ADCYAP1R1: variants seen among roughly 807,000 people sequenced by gnomAD.
ADCYAP1R1 encodes pituitary adenylate cyclase-activating polypeptide type I receptor.
A neutral mutation model predicts 67.6 loss-of-function variants in ADCYAP1R1; 44 were observed. The ratio of observed to expected loss-of-function variants is 0.65; its 90% CI spans 0.51 to 0.84. The LOEUF is 0.84. Ranked by LOEUF, ADCYAP1R1 falls within the 40% of genes least tolerant of loss-of-function variation. ADCYAP1R1 has a pLI of 0.00. For synonymous variants in ADCYAP1R1, 222 were observed against 219.6 expected (o/e 1.01, Z -0.10); for missense variants, 477 against 587.9 (o/e 0.81, Z 1.95).
At chr7:31,085,993 G>A (rs1046060736) in intron 9 of ADCYAP1R1, among the ~76,000 whole-genome samples, 3 of 152,172 alleles carry the variant, frequency 2.0e-5, no homozygotes, top group African/African-American at 7.2e-5. Flanking sequence ...CTGGAAGCTA[G>A]GAATATGTAT....
chr7:31,081,965 C>T (rs939488703), intron 6 of ADCYAP1R1, among the ~76,000 whole-genome samples: 16 of 152,276 alleles, frequency 1.1e-4, no homozygotes, highest in African/African-American at 3.6e-4. Context: ...TCAGGGGGGC[C>T]ACAGATGTCT....
chr7:31,103,288 C>G lies in ADCYAP1R1; in HGVS notation c.1098C>G (p.Tyr366Ter). ...LLLIPLFGIH[Y>*]TVFAFSPENV... ...TCATCCCACTATTCGGAATCCACTA[C>G]ACAGTATTTGCCTTCTCCCCAGAGA... Residue 366 changes from tyrosine to a stop codon, truncating the protein, a stop_gained, in exon 14 of 16, where the codon TAC becomes TAG. Coordinates refer to ENST00000304166, the MANE Select transcript of ADCYAP1R1 (RefSeq NM_001118.5). LOFTEE classifies it high-confidence loss of function. 6.2e-7 allele frequency: 1 copy of G among 1,614,194 alleles called. No homozygotes were observed. The highest frequency in any genetic ancestry group is 8.5e-7 in the Non-Finnish European group (1 of 1,180,028).
rs1795355085 is a variant in ADCYAP1R1 at position 31,078,118 on chromosome 7, T to C, written c.265+20T>C. The C allele has an allele frequency of 6.3e-7, 1 of 1,589,370 alleles. No homozygotes were observed. ...ACCAAGGTGGGTTTAGCCCAGTCTC[T>C]TTAGGCCACGCTGGCCTAGCCTGCT... On this transcript the variant is annotated intron_variant, in intron 4 of 15. Coordinates refer to ENST00000304166, the MANE Select transcript of ADCYAP1R1 (RefSeq NM_001118.5).
chr7:31,084,083 G>C, intron 6 of ADCYAP1R1, 58 bp from the exon 7 acceptor site: 1 of 1,480,218 alleles, frequency 6.8e-7, no homozygotes, highest in South Asian at 1.2e-5. Context: ...TTTTGCATAA[G>C]AATTTCAGGG....
intron 1 of ADCYAP1R1, among the ~76,000 whole-genome samples, 198 bp downstream of exon 1, chr7:31,052,876 G>T (rs1443085273): frequency 5.9e-5 from 9 of 152,118 alleles, no homozygotes; most frequent in Admixed American, 3.9e-4. Flanking sequence ...CCCTCCCGCC[G>T]CTGCGCCCTT....
At chr7:31,053,024 G>A (rs997293181) in intron 1 of ADCYAP1R1, among the ~76,000 whole-genome samples, 1 of 152,180 alleles carries the variant, frequency 6.6e-6, no homozygotes, top group African/African-American at 2.4e-5. Context: ...AGACCAGGGG[G>A]GCAGGCAAGC....
rs1584519982 is a variant in ADCYAP1R1, at chr7:31,087,148, C to A, written c.884+145C>A. The A allele has an allele frequency of 1.0e-5, 10 of 954,506 alleles. No individual in the cohort carries two copies. The East Asian group carries it at 2.6e-4, about 25-fold the overall frequency. The allele number at this position is 954,506 out of a possible 1,614,324, so 59.1% of individuals were successfully genotyped here. On this transcript the variant is annotated intron_variant, in intron 11 of 15. Coordinates refer to ENST00000304166, the MANE Select transcript of ADCYAP1R1 (RefSeq NM_001118.5). ...GACTAAAGCCCAGCACTGGGCACCA[C>A]CTGAGCCATGGCCCCATGCAGGTGA...
Position 31,106,918 on chromosome 7 carries a change from C to T in ADCYAP1R1, c.*234C>T, listed in dbSNP as rs1796673653. 1 of 507,480 alleles carries T rather than the reference C, an allele frequency of 2.0e-6. No individual in the cohort carries two copies. Among genetic ancestry groups the T allele is most frequent in the Non-Finnish European group, 3.4e-6 (1 of 296,732 alleles). The allele number at this position is 507,480 out of a possible 1,614,324, so 31.4% of individuals were successfully genotyped here. A position where few individuals can be genotyped will look rare whatever the true frequency, so the allele number is the denominator to read the frequency against. ...CCCTGACCCCAGACATGTAAATACT[C>T]CTCAAATTTGGAAAAGTTGTCCCAT... On this transcript the variant is annotated 3_prime_UTR_variant, in exon 16 of 16. Coordinates refer to ENST00000304166, the MANE Select transcript of ADCYAP1R1 (RefSeq NM_001118.5).
chr7:31,097,791 A>G (rs1434777293), intron 13 of ADCYAP1R1, among the ~76,000 whole-genome samples: 1 of 150,314 alleles, frequency 6.7e-6, no homozygotes, highest in Non-Finnish European at 1.5e-5. Flanking sequence ...TAAGCTTGGC[A>G]TGTAGGAGGC....
At chr7:31,074,865 C>A (rs73688757) in intron 3 of ADCYAP1R1, among the ~76,000 whole-genome samples, 4,885 of 152,292 alleles carry the variant, frequency 0.032, 263 homozygotes, top group African/African-American at 0.11. Context: ...CTTCTCAGAG[C>A]TTTCTATGGT....
intron 1 of ADCYAP1R1, among the ~76,000 whole-genome samples, chr7:31,060,189 C>A (rs2391937): frequency 0.033 from 4,976 of 152,280 alleles, 135 homozygotes; most frequent in South Asian, 0.086. Context: ...GCCCTTCCCA[C>A]AGCAGGGGCG....
intron 2 of ADCYAP1R1, among the ~76,000 whole-genome samples, chr7:31,064,096 T>C (rs1399372891): frequency 6.6e-6 from 1 of 152,244 alleles, no homozygotes; most frequent in East Asian, 1.9e-4. Flanking sequence ...TTGAAGCCCA[T>C]ATCTGCTATT....
At chr7:31,078,831 C>T (rs553835256) in intron 4 of ADCYAP1R1, among the ~76,000 whole-genome samples, 5 of 152,298 alleles carry the variant, frequency 3.3e-5, no homozygotes, top group South Asian at 2.1e-4. Context: ...ACAGTGCTGT[C>T]GGTGACTTGT....
chr7:31,077,621 T>C (rs945858339), intron 3 of ADCYAP1R1, among the ~76,000 whole-genome samples: 3 of 146,788 alleles, frequency 2.0e-5, no homozygotes, highest in Admixed American at 6.8e-5. Flanking sequence ...TGTGTGTGTG[T>C]AGTGTGTATG....
intron 4 of ADCYAP1R1, among the ~76,000 whole-genome samples, 163 bp downstream of exon 4, chr7:31,078,261 C>CGGG (rs1176851939): frequency 1.3e-5 from 2 of 152,138 alleles, no homozygotes; most frequent in Non-Finnish European, 2.9e-5. Context: ...CTTGCACACA[C>CGGG]GGGGACACAG....
chr7:31,067,253 C>T (rs921999039), intron 3 of ADCYAP1R1, among the ~76,000 whole-genome samples: 1 of 152,186 alleles, frequency 6.6e-6, no homozygotes, highest in Non-Finnish European at 1.5e-5. Flanking sequence ...TACTCGTCCC[C>T]TCCCTTGAAT....
Position 31,077,994 on chromosome 7 carries a change from G to C in ADCYAP1R1, c.161G>C (p.Cys54Ser). The C allele has an allele frequency of 6.2e-7, 1 of 1,607,596 alleles. No homozygotes were observed. Among genetic ancestry groups the C allele is most frequent in the Non-Finnish European group, 8.5e-7 (1 of 1,176,660 alleles). Residue 54 changes from cysteine (C) to serine (S), a missense_variant, in exon 4 of 16, where the codon TGT becomes TCT. Cys to Ser is a moderately radical substitution (Grantham distance 112, BLOSUM62 -1). Transcript: ENST00000304166. ...LMGFNDSSPGCPGMWDNITCW... is the reference protein window; with the variant it reads ...LMGFNDSSPGSPGMWDNITCW... Reference sequence around the variant, plus strand: ...ACCATGGCTGTCTTACCCACAGGCTGTCCTGGGATGTGGGACAACATCACG... The same window carrying C: ...ACCATGGCTGTCTTACCCACAGGCTCTCCTGGGATGTGGGACAACATCACG...
At chr7:31,070,367 C>G (rs952848375) in intron 3 of ADCYAP1R1, among the ~76,000 whole-genome samples, 5 of 152,170 alleles carry the variant, frequency 3.3e-5, no homozygotes, top group Admixed American at 1.3e-4. Context: ...GAAGAGGAGG[C>G]CTGTGGTGGC....
chr7:31,084,656 G>C, intron 7 of ADCYAP1R1, 81 bp from the exon 8 acceptor site: 1 of 1,181,346 alleles, frequency 8.5e-7, no homozygotes, highest in Non-Finnish European at 1.3e-6. Flanking sequence ...CCCTGGCCTG[G>C]GAGACTGGGT....
Sources: allele counts gnomAD v4.1 joint callset (sites outside exome capture counted in the v4.1 genomes callset), GRCh38; gene constraint gnomAD v4.1.1; transcripts MANE v1.5; gene names NCBI Gene and HGNC (gene_info 2026-07-23, HGNC 2026-07-21).